Variants in ELK3 observed in about 807,000 individuals in gnomAD.
The protein encoded by ELK3 is ETS domain-containing protein Elk-3.
Under a neutral mutation model 28.9 loss-of-function variants are expected in ELK3, and 10 were observed. The ratio of observed to expected loss-of-function variants is 0.35; its 90% CI spans 0.21 to 0.59. ELK3 has a LOEUF of 0.59. ELK3 is among the 20% of genes least tolerant of loss of function. The pLI, the probability that ELK3 is intolerant of heterozygous loss-of-function variation, is 0.82. For synonymous variants in ELK3, 272 were observed against 243.5 expected (o/e 1.12, Z -1.09); for missense variants, 463 against 517.3 (o/e 0.90, Z 1.02).
At chr12:96,226,543 G>C (rs916173175) in intron 2 of ELK3, among the ~76,000 whole-genome samples, 1 of 144,198 alleles carries the variant, frequency 6.9e-6, no homozygotes, top group Non-Finnish European at 1.5e-5. Flanking sequence ...TGTCCACACA[G>C]ATGTCCACAT....
intron 1 of ELK3, among the ~76,000 whole-genome samples, chr12:96,214,379 C>T (rs1278154174): frequency 4.6e-5 from 7 of 151,470 alleles, no homozygotes; most frequent in Non-Finnish European, 8.8e-5. Flanking sequence ...TGCAGTGAAC[C>T]GAGATCACAC....
intron 1 of ELK3, among the ~76,000 whole-genome samples, chr12:96,209,888 C>T (rs1951564905): frequency 6.6e-6 from 1 of 151,470 alleles, no homozygotes; most frequent in Admixed American, 6.6e-5. Context: ...AGTTAACATC[C>T]CTGCTGTAGC....
intron 1 of ELK3, among the ~76,000 whole-genome samples, chr12:96,206,104 T>C (rs896544496): frequency 6.6e-6 from 1 of 152,208 alleles, no homozygotes; most frequent in African/African-American, 2.4e-5. Context: ...CAATCAGAGC[T>C]GAACCACAAG....
chr12:96,261,593 T>C (rs1951993007), intron 4 of ELK3, among the ~76,000 whole-genome samples: 1 of 152,218 alleles, frequency 6.6e-6, no homozygotes, highest in African/African-American at 2.4e-5. Flanking sequence ...TCCTAGAATC[T>C]AACACAGAGC....
chr12:96,199,943 A>AC (rs1476181859), intron 1 of ELK3, among the ~76,000 whole-genome samples: 7 of 152,288 alleles, frequency 4.6e-5, no homozygotes, highest in East Asian at 1.9e-4. Flanking sequence ...TCTATTTATG[A>AC]CACATAGTGT....
chr12:96,265,754 G>A (rs1323432824), intron 4 of ELK3, among the ~76,000 whole-genome samples: 2 of 152,204 alleles, frequency 1.3e-5, no homozygotes, highest in African/African-American at 4.8e-5. Flanking sequence ...AATGGGAAGA[G>A]TGGTTAGTAG....
At chr12:96,243,188 C>T (rs1286830831) in intron 2 of ELK3, among the ~76,000 whole-genome samples, 1 of 152,190 alleles carries the variant, frequency 6.6e-6, no homozygotes, top group Non-Finnish European at 1.5e-5. Flanking sequence ...ACATACCATA[C>T]AATTCACCCA....
At chr12:96,214,530 A>C (rs1381258165) in intron 1 of ELK3, among the ~76,000 whole-genome samples, 1 of 152,180 alleles carries the variant, frequency 6.6e-6, no homozygotes, top group Non-Finnish European at 1.5e-5. Flanking sequence ...ACTTTTGTTT[A>C]CCTTTTTTAA....
chr12:96,210,597 A>ACACACACACACAC (rs1416746905), intron 1 of ELK3, among the ~76,000 whole-genome samples: 5 of 148,958 alleles, frequency 3.4e-5, no homozygotes, highest in African/African-American at 1.2e-4. Flanking sequence ...ACACACACAC[A>ACACACACACACAC]CCCCGAGTGG....
chr12:96,252,637 A>G (rs769852389), intron 3 of ELK3, among the ~76,000 whole-genome samples: 5 of 152,208 alleles, frequency 3.3e-5, no homozygotes, highest in Non-Finnish European at 7.3e-5. Flanking sequence ...TAGAAATAGC[A>G]AGAGAACTAG....
At chr12:96,209,395 A>C (rs1951561647) in intron 1 of ELK3, among the ~76,000 whole-genome samples, 1 of 152,216 alleles carries the variant, frequency 6.6e-6, no homozygotes, top group Admixed American at 6.5e-5. Flanking sequence ...TCAACACAAT[A>C]GAAGAGTTGG....
chr12:96,248,834 C>G (rs948084028), intron 3 of ELK3, among the ~76,000 whole-genome samples: 1 of 152,192 alleles, frequency 6.6e-6, no homozygotes, highest in Non-Finnish European at 1.5e-5. Flanking sequence ...AGCCCTGTCA[C>G]GTGGATACAG....
Position 96,269,587 on chromosome 12 carries a change from GT to G in ELK3, c.*2408del, listed in dbSNP as rs1210167024. 9 of 152,192 alleles carry G rather than the reference GT, an allele frequency of 5.9e-5. No individual in the cohort carries two copies. Among genetic ancestry groups the G allele is most frequent in the Non-Finnish European group, 1.2e-4 (8 of 68,028 alleles). 9.4% of individuals were successfully genotyped at this position (152,192 alleles called of 1,614,324 possible). On this transcript the variant is annotated 3_prime_UTR_variant, in exon 5 of 5. Transcript: ENST00000228741. ...TCATTCTGTGTGTGTGTGCATGTGT[GT>G]GTTAGCAGAGGTATTTTACTCAGAA...
At chr12:96,242,560 G>A (rs1951828900) in intron 2 of ELK3, among the ~76,000 whole-genome samples, 2 of 152,178 alleles carry the variant, frequency 1.3e-5, no homozygotes, top group South Asian at 4.1e-4. Context: ...CATACATGGC[G>A]CTGCTTCTGG....
chr12:96,267,380 T>G lies in ELK3; in HGVS notation c.*200T>G, dbSNP rs1179276177. 2.2e-6 allele frequency: 1 copy of G among 452,232 alleles called. No homozygotes were observed. Among genetic ancestry groups the G allele is most frequent in the Non-Finnish European group, 3.9e-6 (1 of 255,290 alleles). 28.0% of individuals were successfully genotyped at this position (452,232 alleles called of 1,614,324 possible). On this transcript the variant is annotated 3_prime_UTR_variant, in exon 5 of 5. Transcript: ENST00000228741. ...ATTCAAGTATATATGAAAATCTGTT[T>G]GGCATTAAGTGAATTTTAATGTTTT... is the stretch of plus-strand genomic sequence containing the variant.
rs1387524992 is a variant in ELK3 at position 96,247,595 on chromosome 12, C to G, written c.863C>G (p.Pro288Arg). 6.2e-7 allele frequency: 1 copy of G among 1,613,852 alleles called. No individual in the cohort carries two copies. The highest frequency in any genetic ancestry group is 8.5e-7 in the Non-Finnish European group (1 of 1,180,046). ...SGSKTKSPSL[P>R]PKAKKPKGLE... ...TCCAAGACCAAGTCTCCATCTCTTC[C>G]CCCAAAGGCCAAAAAACCCAAAGGC... The change falls in exon 3 of 5, where the codon CCC (proline) becomes CGC (arginine). Residue 288 changes from proline to arginine, a missense_variant. By Grantham distance (103) the Pro-to-Arg change is moderately radical (BLOSUM62 -2). This residue lies in a region of ELK3 where 408 missense variants were observed against 414.8 expected (regional missense o/e 0.98). Coordinates refer to ENST00000228741, the MANE Select transcript of ELK3 (RefSeq NM_005230.4). This position sits in a 1 kb window ranked among gnomAD's most constrained non-coding sequence, Gnocchi z 5.5.
intron 1 of ELK3, chr12:96,212,886 T>G (rs1032255906): frequency 3.9e-5 from 6 of 152,120 alleles, no homozygotes; most frequent in Non-Finnish European, 7.4e-5. Context: ...AAAATAAAAT[T>G]ATTTTTTCTA....
chr12:96,223,448 G>A, intron 1 of ELK3, 117 bp from the exon 2 acceptor site: 1 of 913,998 alleles, frequency 1.1e-6, no homozygotes, highest in Non-Finnish European at 1.7e-6. Flanking sequence ...CTTTTTATTA[G>A]GTTCACTGGG....
chr12:96,194,899 C>A (rs1028306467), intron 1 of ELK3, among the ~76,000 whole-genome samples, 194 bp downstream of exon 1: 2 of 146,768 alleles, frequency 1.4e-5, no homozygotes, highest in African/African-American at 4.9e-5. Context: ...GCCGCGGATG[C>A]TCCTGCGCCC....
Sources: allele counts gnomAD v4.1 joint callset (sites outside exome capture counted in the v4.1 genomes callset), GRCh38; gene constraint gnomAD v4.1.1; regional missense constraint gnomAD v4.1.1; non-coding constraint Gnocchi (gnomAD v3.1); transcripts MANE v1.5; gene names NCBI Gene and HGNC (gene_info 2026-07-23, HGNC 2026-07-21).